SEPSECS: variants seen among roughly 807,000 people sequenced by gnomAD.
SEPSECS encodes O-phosphoseryl-tRNA(Sec) selenium transferase.
Under a neutral mutation model 52.1 loss-of-function variants are expected in SEPSECS, and 42 were observed. The ratio of observed to expected loss-of-function variants is 0.81; its 90% CI spans 0.63 to 1.04. The LOEUF is 1.04. SEPSECS is among the 50% of genes least tolerant of loss of function. The pLI, the probability that SEPSECS is intolerant of heterozygous loss-of-function variation, is 0.00. For missense variants in SEPSECS, 590 were observed against 610.6 expected (o/e 0.97, Z 0.36); for synonymous variants, 216 against 211.4 (o/e 1.02, Z -0.19).
At chr4:25,132,208 T>C (rs996962146) in intron 8 of SEPSECS, among the ~76,000 whole-genome samples, 15 of 152,242 alleles carry the variant, frequency 9.9e-5, no homozygotes, top group Non-Finnish European at 1.5e-4. Context: ...TCTGAAGAGA[T>C]AGAGCTAGAT....
chr4:25,140,366 A>G (rs1450424973), intron 8 of SEPSECS, among the ~76,000 whole-genome samples: 4 of 152,346 alleles, frequency 2.6e-5, no homozygotes, highest in Non-Finnish European at 5.9e-5. Flanking sequence ...TCTCCTTTAG[A>G]TATCAGTAGA....
chr4:25,131,093 T>C (rs1267330922), intron 8 of SEPSECS, among the ~76,000 whole-genome samples: 1 of 152,220 alleles, frequency 6.6e-6, no homozygotes, highest in African/African-American at 2.4e-5. Flanking sequence ...TACAAAACTT[T>C]ACACCACAGT....
At chr4:25,160,133 GAC>G (rs755561685) in intron 1 of SEPSECS, 121 bp downstream of exon 1, 30 of 1,488,048 alleles carry the variant, frequency 2.0e-5, no homozygotes, top group African/African-American at 2.8e-5. Flanking sequence ...GCCAAGCTGA[GAC>G]AGACTTGGGA....
rs144158239 is a variant in SEPSECS at position 25,143,434 on chromosome 4, C to T, written c.1026+1340G>A. On this transcript the variant is annotated intron_variant, in intron 8 of 10. Coordinates refer to ENST00000382103, the MANE Select transcript of SEPSECS (RefSeq NM_016955.4). ...AGGATGGCATATAAATGAAACTGTA[C>T]AATATGTAGCCTTTTGAGTCTGACT... Among the ~76,000 whole-genome samples, 581 of 152,248 alleles carry T rather than the reference C, an allele frequency of 3.8e-3. 5 individuals carry two copies. Among genetic ancestry groups the T allele is most frequent in the African/African-American group, 0.013 (536 of 41,542 alleles).
chr4:25,150,306 C>A (rs1387953944), intron 6 of SEPSECS, among the ~76,000 whole-genome samples: 2 of 152,180 alleles, frequency 1.3e-5, no homozygotes, highest in African/African-American at 4.8e-5. Context: ...TGCACACAAA[C>A]TATGTAGTCC....
At chr4:25,144,126 G>A (rs1015220048) in intron 8 of SEPSECS, among the ~76,000 whole-genome samples, 1 of 151,984 alleles carries the variant, frequency 6.6e-6, no homozygotes, top group African/African-American at 2.4e-5. Context: ...GGATCACGAG[G>A]TCAGGAGTTG....
intron 6 of SEPSECS, among the ~76,000 whole-genome samples, chr4:25,146,776 C>T (rs966358970): frequency 6.6e-6 from 1 of 152,176 alleles, no homozygotes. Context: ...TCAGTATATG[C>T]TCTAAAATCC....
chr4:25,159,756 A>G (rs1263643181), intron 1 of SEPSECS: 1 of 1,028,324 alleles, frequency 9.7e-7, no homozygotes. Context: ...TGGGCGAAAG[A>G]GCGAGACTCT....
In SEPSECS at chr4:25,140,973, A is replaced by G. The variant is rs143013561; in HGVS notation, c.1026+3801T>C. Among the ~76,000 whole-genome samples the G allele has an allele frequency of 2.5e-3, 379 of 152,234 alleles. 1 individual carries two copies. Among genetic ancestry groups the G allele is most frequent in the South Asian group, 0.01 (50 of 4,830 alleles). ...ATATGCACAGAGTTCTTCTCTTGAC[A>G]TTATTTCCTAAACAATACAGTATAA... is the stretch of plus-strand genomic sequence containing the variant. On this transcript the variant is annotated intron_variant, in intron 8 of 10. Transcript: ENST00000382103.
intron 6 of SEPSECS, among the ~76,000 whole-genome samples, chr4:25,147,151 C>T (rs1216722870): frequency 1.3e-5 from 2 of 152,164 alleles, no homozygotes; most frequent in Non-Finnish European, 2.9e-5. Context: ...TAGAGAGCTG[C>T]AAAGCTTCCT....
intron 8 of SEPSECS, among the ~76,000 whole-genome samples, chr4:25,144,212 C>T (rs1037873042): frequency 1.7e-4 from 25 of 150,748 alleles, no homozygotes; most frequent in African/African-American, 4.9e-4. Flanking sequence ...TGGTGGCGGG[C>T]GCTTGTAATC....
rs1728113999 is a variant in SEPSECS at position 25,121,270 on chromosome 4, T to C, written c.*2661A>G. 6.6e-6 allele frequency: 1 copy of C among 152,176 alleles called. No individual in the cohort carries two copies. Among genetic ancestry groups the C allele is most frequent in the Non-Finnish European group, 1.5e-5 (1 of 67,994 alleles). 9.4% of individuals were successfully genotyped at this position (152,176 alleles called of 1,614,324 possible). A position where few individuals can be genotyped will look rare whatever the true frequency, so the allele number is the denominator to read the frequency against. On this transcript the variant is annotated 3_prime_UTR_variant, in exon 11 of 11. Coordinates refer to ENST00000382103, the MANE Select transcript of SEPSECS (RefSeq NM_016955.4). Reference sequence around the variant, plus strand: ...TGATTTAAAATTCCCTTCCCTGCCATGTATAAGTAACACATTGTGTAGTGA... The same window carrying C: ...TGATTTAAAATTCCCTTCCCTGCCACGTATAAGTAACACATTGTGTAGTGA...
At chr4:25,159,255 A>C (rs901880628) in intron 1 of SEPSECS, 148 bp from the exon 2 acceptor site, 23 of 668,412 alleles carry the variant, frequency 3.4e-5, no homozygotes, top group Non-Finnish European at 5.4e-5. Flanking sequence ...CTGTATAGAG[A>C]CCGCAAAGAG....
intron 8 of SEPSECS, among the ~76,000 whole-genome samples, chr4:25,141,064 T>C (rs1352159833): frequency 1.3e-5 from 2 of 152,214 alleles, no homozygotes; most frequent in African/African-American, 4.8e-5. Flanking sequence ...ATTTAAGGAA[T>C]ACAGGAGGAT....
chr4:25,147,020 C>T (rs752634903), intron 6 of SEPSECS, among the ~76,000 whole-genome samples: 22 of 152,218 alleles, frequency 1.4e-4, no homozygotes, highest in Non-Finnish European at 1.5e-4. Flanking sequence ...GCTCTACAAC[C>T]ACTGTTCACC....
At chr4:25,137,784 T>C (rs897900859) in intron 8 of SEPSECS, among the ~76,000 whole-genome samples, 2 of 152,186 alleles carry the variant, frequency 1.3e-5, no homozygotes, top group African/African-American at 4.8e-5. Context: ...AATGCAGCAC[T>C]ATTCACAACA....
intron 8 of SEPSECS, among the ~76,000 whole-genome samples, chr4:25,131,851 A>T (rs1314134759): frequency 6.6e-6 from 1 of 152,212 alleles, no homozygotes; most frequent in Non-Finnish European, 1.5e-5. Flanking sequence ...CTGTTCAGCA[A>T]AGCACTTTTC....
At chr4:25,159,497 G>A in intron 1 of SEPSECS, 1 of 380,026 alleles carries the variant, frequency 2.6e-6, no homozygotes, top group Admixed American at 3.3e-5. Flanking sequence ...GCCACGCGCT[G>A]TAGCTCACTC....
rs765426232 is a variant in SEPSECS at position 25,124,004 on chromosome 4, T to A, written c.1433A>T (p.Asp478Val). 2 of 1,613,422 alleles carry A rather than the reference T, an allele frequency of 1.2e-6. No individual in the cohort carries two copies. The highest frequency in any genetic ancestry group is 1.7e-6 in the Non-Finnish European group (2 of 1,179,420). Residue 478 changes from aspartate to valine, a missense_variant, in exon 11 of 11, where the codon GAT becomes GTT. Physicochemically the swap from Asp to Val is radical, Grantham distance 152 (BLOSUM62 -3). Transcript: ENST00000382103. Reference protein sequence around the residue: ...ESDDNYDKTEDVDIEEMALKL... With the variant: ...ESDDNYDKTEVVDIEEMALKL... Reference sequence around the variant, plus strand: ...TAAAGCCATTTCTTCAATATCCACATCTTCAGTTTTGTCATAATTGTCATC... The same window carrying A: ...TAAAGCCATTTCTTCAATATCCACAACTTCAGTTTTGTCATAATTGTCATC...
Sources: allele counts gnomAD v4.1 joint callset (sites outside exome capture counted in the v4.1 genomes callset), GRCh38; gene constraint gnomAD v4.1.1; transcripts MANE v1.5; gene names NCBI Gene and HGNC (gene_info 2026-07-23, HGNC 2026-07-21).